Variants in VSNL1 observed in about 807,000 individuals in gnomAD.
VSNL1 encodes visinin-like protein 1.
VSNL1 carries 6 observed loss-of-function variants against 20.4 expected under a neutral mutation model. That is an observed-to-expected ratio of 0.29 (90% CI 0.16 to 0.58). The LOEUF is 0.58. Ranked by LOEUF, VSNL1 falls within the 20% of genes least tolerant of loss-of-function variation. The pLI is 0.90. For synonymous variants in VSNL1, 93 were observed against 86.4 expected (o/e 1.08, Z -0.42); for missense variants, 100 against 234.5 (o/e 0.43, Z 3.75).
Position 17,649,643 on chromosome 2 carries a change from GT to G in VSNL1, c.378+20del. On this transcript the variant is annotated intron_variant, in intron 3 of 3. Transcript: ENST00000295156. The surrounding 1 kb of genome is among the most constrained non-coding windows in gnomAD (Gnocchi z 6.4). Reference sequence around the variant, plus strand: ...TCATCGAGGTGAGGCCCGGGGTGTGGTTGGCGGGTGGTGGGCACAGAAGGAG... The same window carrying G: ...TCATCGAGGTGAGGCCCGGGGTGTGGTGGCGGGTGGTGGGCACAGAAGGAG... The G allele has an allele frequency of 6.2e-7, 1 of 1,613,348 alleles. No individual in the cohort carries two copies. The highest frequency in any genetic ancestry group is 8.5e-7 in the Non-Finnish European group (1 of 1,179,710).
intron 2 of VSNL1, among the ~76,000 whole-genome samples, chr2:17,633,196 G>A (rs539595541): frequency 6.6e-5 from 10 of 152,150 alleles, no homozygotes; most frequent in South Asian, 4.2e-4. Context: ...ATCAGATCTC[G>A]TGAGGCTTAT....
upstream of VSNL1, chr2:17,540,599 A>T (rs1663258484): frequency 6.6e-6 from 1 of 152,196 alleles, no homozygotes. Context: ...AGCTGGGGGG[A>T]GGGAAGAGAG....
intron 1 of VSNL1, among the ~76,000 whole-genome samples, chr2:17,561,870 C>CT (rs1315592838): frequency 2.0e-5 from 3 of 151,992 alleles, no homozygotes; most frequent in East Asian, 1.9e-4. Flanking sequence ...AGTATCTATT[C>CT]TTTTTTTTGG....
chr2:17,603,824 A>G (rs945759844), intron 2 of VSNL1, among the ~76,000 whole-genome samples: 28 of 152,146 alleles, frequency 1.8e-4, no homozygotes, highest in Admixed American at 1.3e-4. Context: ...GGAAAAGTTA[A>G]TTTTCATTTT....
At chr2:17,581,684 T>TTC (rs1275949012) in intron 1 of VSNL1, among the ~76,000 whole-genome samples, 7 of 152,302 alleles carry the variant, frequency 4.6e-5, no homozygotes, top group African/African-American at 1.7e-4. Context: ...AAGAAGCGTG[T>TTC]TCTCTCTCTC....
chr2:17,587,623 G>A (rs1027951586), intron 1 of VSNL1, among the ~76,000 whole-genome samples: 4 of 152,070 alleles, frequency 2.6e-5, no homozygotes, highest in Admixed American at 6.6e-5. Flanking sequence ...AGACCAGTTG[G>A]GAGGTAGTTG....
At chr2:17,633,795 G>A (rs1665691484) in intron 2 of VSNL1, among the ~76,000 whole-genome samples, 1 of 152,170 alleles carries the variant, frequency 6.6e-6, no homozygotes, top group African/African-American at 2.4e-5. Context: ...CCTTAACTCA[G>A]CTTAGGCAGG....
Position 17,655,774 on chromosome 2 carries a change from C to A in VSNL1, c.*380C>A. The A allele has an allele frequency of 5.3e-6, 1 of 187,872 alleles. No individual in the cohort carries two copies. Among genetic ancestry groups the A allele is most frequent in the Non-Finnish European group, 1.1e-5 (1 of 89,024 alleles). 11.6% of individuals were successfully genotyped at this position (187,872 alleles called of 1,614,324 possible). ...ACATAATGTTAGTAGCACTGAGACC[C>A]CCATGGTAATGTAACTTAATTATAA... On this transcript the variant is annotated 3_prime_UTR_variant, in exon 4 of 4. Transcript: ENST00000295156. This position sits in a 1 kb window ranked among gnomAD's most constrained non-coding sequence, Gnocchi z 5.2.
chr2:17,617,705 G>C (rs2343581), intron 2 of VSNL1, among the ~76,000 whole-genome samples: 1 of 152,078 alleles, frequency 6.6e-6, no homozygotes, highest in Non-Finnish European at 1.5e-5. Context: ...ACAGTGAGGA[G>C]CAACACTAAG....
chr2:17,583,084 T>C (rs16983668), intron 1 of VSNL1, among the ~76,000 whole-genome samples: 5,013 of 152,172 alleles, frequency 0.033, 86 homozygotes, highest in East Asian at 0.097. Flanking sequence ...ACATGGTGAG[T>C]GCAAATGGCT....
intron 2 of VSNL1, among the ~76,000 whole-genome samples, chr2:17,603,274 C>T (rs1368089243): frequency 6.6e-6 from 1 of 152,126 alleles, no homozygotes; most frequent in Non-Finnish European, 1.5e-5. Flanking sequence ...AGTCCAAGAC[C>T]AGGGCAGATT....
chr2:17,607,318 G>A (rs908690346), intron 2 of VSNL1, among the ~76,000 whole-genome samples: 5 of 152,140 alleles, frequency 3.3e-5, no homozygotes, highest in African/African-American at 1.2e-4. Flanking sequence ...CCTTCAAAGA[G>A]TATTTGTGAG....
At chr2:17,628,864 G>A (rs1665571462) in intron 2 of VSNL1, among the ~76,000 whole-genome samples, 2 of 152,328 alleles carry the variant, frequency 1.3e-5, no homozygotes, top group African/African-American at 4.8e-5. Flanking sequence ...AGTTGCTGAA[G>A]AGCACAGCTC....
chr2:17,595,441 G>GATTTCAAA (rs1384017708), intron 2 of VSNL1, among the ~76,000 whole-genome samples: 4 of 152,208 alleles, frequency 2.6e-5, no homozygotes, highest in African/African-American at 9.7e-5. Flanking sequence ...CAGAGAGGTT[G>GATTTCAAA]ATTTCAAAAT....
intron 1 of VSNL1, among the ~76,000 whole-genome samples, chr2:17,582,333 C>A (rs1340761153): frequency 6.6e-6 from 1 of 152,116 alleles, no homozygotes; most frequent in Non-Finnish European, 1.5e-5. Flanking sequence ...TAATGAGAGA[C>A]CACTGAAGGG....
At chr2:17,554,544 C>CT (rs199801299) in intron 1 of VSNL1, among the ~76,000 whole-genome samples, 2 of 151,794 alleles carry the variant, frequency 1.3e-5, no homozygotes, top group Admixed American at 6.6e-5. Context: ...TTTCAGAACA[C>CT]TTTTTTTTCT....
intron 1 of VSNL1, among the ~76,000 whole-genome samples, chr2:17,569,685 T>A (rs1390097688): frequency 6.6e-6 from 1 of 151,966 alleles, no homozygotes; most frequent in Non-Finnish European, 1.5e-5. Context: ...TCTCAACTAT[T>A]ATTTAAACTC....
intron 1 of VSNL1, among the ~76,000 whole-genome samples, chr2:17,584,149 T>C (rs62132076): frequency 0.029 from 4,351 of 152,200 alleles, 72 homozygotes; most frequent in East Asian, 0.098. Flanking sequence ...CATTTGACCC[T>C]AAGACTGACT....
At chr2:17,601,254 G>C (rs1042621649) in intron 2 of VSNL1, among the ~76,000 whole-genome samples, 1 of 152,194 alleles carries the variant, frequency 6.6e-6, no homozygotes, top group African/African-American at 2.4e-5. Context: ...CTTGAATGAG[G>C]GTTTAAAGCT....
Sources: gnomAD v4.1 joint callset for allele counts (sites outside exome capture counted in the v4.1 genomes callset) on GRCh38, gnomAD v4.1.1 for gene constraint, Gnocchi (gnomAD v3.1) non-coding constraint, MANE v1.5 for transcripts, NCBI Gene and HGNC (gene_info 2026-07-23, HGNC 2026-07-21) for gene names.